Variants in ZMYND8 observed in about 807,000 individuals in gnomAD.
ZMYND8 encodes the protein MYND-type zinc finger-containing chromatin reader ZMYND8.
Under a neutral mutation model 140.8 loss-of-function variants are expected in ZMYND8, and 37 were observed. The observed-to-expected ratio is 0.26, with a 90% confidence interval of 0.20 to 0.35. The LOEUF is 0.35. Among genes scored for constraint, ZMYND8 ranks in the 10% least tolerant of loss-of-function variants. The probability of loss-of-function intolerance (pLI) is 1.00; values close to 1 mark genes in which losing one functional copy is unlikely to be tolerated. For synonymous variants in ZMYND8, 592 were observed against 597.1 expected (o/e 0.99, Z 0.12); for missense variants, 1,068 against 1,570.0 (o/e 0.68, Z 5.40).
At chr20:47,262,494 T>C in intron 11 of ZMYND8, 66 bp from the exon 12 acceptor site, 1 of 1,591,662 alleles carries the variant, frequency 6.3e-7, no homozygotes, top group Non-Finnish European at 8.6e-7. Flanking sequence ...GTAGGTGTGG[T>C]GTAGGGAGAG....
At chr20:47,222,075 C>T (rs573695023) in intron 19 of ZMYND8, among the ~76,000 whole-genome samples, 2 of 143,266 alleles carry the variant, frequency 1.4e-5, no homozygotes, top group Admixed American at 6.8e-5. Context: ...CAACCTGTAA[C>T]TGCTGATTTA....
chr20:47,259,597 C>A (rs2075007671), intron 12 of ZMYND8, among the ~76,000 whole-genome samples: 1 of 152,170 alleles, frequency 6.6e-6, no homozygotes, highest in Admixed American at 6.5e-5. Context: ...CTGAAACCCC[C>A]ATACTGGAGG....
intron 19 of ZMYND8, among the ~76,000 whole-genome samples, chr20:47,221,901 A>G: frequency 6.6e-6 from 1 of 152,188 alleles, no homozygotes; most frequent in Admixed American, 6.5e-5. Flanking sequence ...TCCTGACCTT[A>G]GGTGATCCAC....
chr20:47,258,195 A>T (rs765786189), intron 12 of ZMYND8, among the ~76,000 whole-genome samples: 1 of 152,172 alleles, frequency 6.6e-6, no homozygotes, highest in Non-Finnish European at 1.5e-5. Flanking sequence ...ACCCCCAAAA[A>T]AGCTGACGTA....
At chr20:47,268,654 G>A (rs2075716246) in intron 11 of ZMYND8, among the ~76,000 whole-genome samples, 1 of 151,182 alleles carries the variant, frequency 6.6e-6, no homozygotes. Context: ...GTACACGCCT[G>A]TAACCCCAGC....
At chr20:47,212,597 C>A (rs571846595) in intron 22 of ZMYND8, 45 bp downstream of exon 22, 90 of 1,602,146 alleles carry the variant, frequency 5.6e-5, no homozygotes, top group Non-Finnish European at 7.0e-5. Context: ...TTCTGCATAC[C>A]AGGAAGAAGC....
chr20:47,259,521 G>A (rs1014355614), intron 12 of ZMYND8, among the ~76,000 whole-genome samples: 16 of 152,208 alleles, frequency 1.1e-4, no homozygotes, highest in Admixed American at 3.3e-4. Context: ...CCTGGAGGGC[G>A]CCAACCACCA....
chr20:47,250,283 C>G (rs34312644), intron 12 of ZMYND8, among the ~76,000 whole-genome samples: 36,124 of 151,952 alleles, frequency 0.24, 4,692 homozygotes, highest in Non-Finnish European at 0.3. Context: ...CCAGTGCCCC[C>G]AAAATATTAA....
At chr20:47,307,033 G>A (rs570088287) in intron 3 of ZMYND8, among the ~76,000 whole-genome samples, 1 of 152,186 alleles carries the variant, frequency 6.6e-6, no homozygotes, top group African/African-American at 2.4e-5. Flanking sequence ...GAATGCTTGT[G>A]TACCTCCCAA....
chr20:47,269,207 T>A (rs895020205), intron 11 of ZMYND8, among the ~76,000 whole-genome samples: 1 of 151,842 alleles, frequency 6.6e-6, no homozygotes, highest in South Asian at 2.1e-4. Context: ...TCAAAAAAAA[T>A]AAATAAATAA....
At chr20:47,240,801 G>A (rs1458681286) in intron 14 of ZMYND8, among the ~76,000 whole-genome samples, 3 of 151,218 alleles carry the variant, frequency 2.0e-5, no homozygotes, top group South Asian at 2.1e-4. Flanking sequence ...TGATCCATCC[G>A]CCTTGGCCTC....
chr20:47,292,720 G>A (rs946529239), intron 5 of ZMYND8, among the ~76,000 whole-genome samples: 8 of 151,984 alleles, frequency 5.3e-5, no homozygotes, highest in African/African-American at 1.7e-4. Context: ...GTGCCTTTGT[G>A]CAAATCAGGT....
chr20:47,330,085 A>G (rs1422582218), intron 2 of ZMYND8, among the ~76,000 whole-genome samples: 1 of 152,194 alleles, frequency 6.6e-6, no homozygotes, highest in Non-Finnish European at 1.5e-5. Context: ...TCAGGCCAAG[A>G]GAGGGCTTGG....
intron 2 of ZMYND8, among the ~76,000 whole-genome samples, chr20:47,341,236 T>G (rs1341240639): frequency 1.3e-4 from 20 of 152,236 alleles, no homozygotes; most frequent in Non-Finnish European, 2.9e-5. Context: ...CCTTGTCTAC[T>G]GAGAAAATCT....
chr20:47,327,874 G>A (rs1363054955), intron 2 of ZMYND8, among the ~76,000 whole-genome samples: 3 of 152,196 alleles, frequency 2.0e-5, no homozygotes, highest in African/African-American at 7.2e-5. Context: ...GAGTGCAGTG[G>A]TGCAATCACA....
chr20:47,356,263 A>C, intron 1 of ZMYND8: 2 of 1,007,778 alleles, frequency 2.0e-6, no homozygotes, highest in Non-Finnish European at 1.3e-6. Context: ...AGAGAAGACA[A>C]TAGTGCAGGG....
At chr20:47,266,218 C>A (rs554074569) in intron 11 of ZMYND8, among the ~76,000 whole-genome samples, 1 of 150,282 alleles carries the variant, frequency 6.7e-6, no homozygotes, top group Non-Finnish European at 1.5e-5. Flanking sequence ...ATGAATGCCA[C>A]GGCCACCCAC....
chr20:47,249,705 C>A (rs1257342201), intron 12 of ZMYND8, among the ~76,000 whole-genome samples: 1 of 152,166 alleles, frequency 6.6e-6, no homozygotes. Flanking sequence ...TGGACAATCC[C>A]AGCCAGATGG....
At chr20:47,312,802 A>G (rs1024391942) in intron 2 of ZMYND8, among the ~76,000 whole-genome samples, 2 of 151,834 alleles carry the variant, frequency 1.3e-5, no homozygotes, top group African/African-American at 2.4e-5. Context: ...AAAAAAAAAA[A>G]AAAAAGAGAG....
Sources: gnomAD v4.1 joint callset for allele counts (sites outside exome capture counted in the v4.1 genomes callset) on GRCh38, gnomAD v4.1.1 for gene constraint, MANE v1.5 for transcripts, NCBI Gene and HGNC (gene_info 2026-07-23, HGNC 2026-07-21) for gene names.